The following LEO1 variants were observed in gnomAD, a reference collection of about 807,000 sequenced individuals.
The protein encoded by LEO1 is RNA polymerase-associated protein LEO1.
In LEO1, 34 loss-of-function variants were observed where a neutral mutation model predicts 80.4. The observed-to-expected ratio is 0.42, with a 90% CI of 0.32 to 0.56. The LOEUF (loss-of-function observed/expected upper bound fraction) is 0.56, where lower values mean the gene tolerates loss of function less well. Among genes scored for constraint, LEO1 ranks in the 20% least tolerant of loss-of-function variants. The pLI is 0.10. For missense variants in LEO1, 631 were observed against 814.2 expected, an observed-to-expected ratio of 0.77 and a Z score of 2.74; for synonymous variants, 262 against 274.9, an observed-to-expected ratio of 0.95 and a Z score of 0.46.
chr15:51,942,459 AAACAG>A (rs2056861426), intron 11 of LEO1, among the ~76,000 whole-genome samples: 1 of 152,194 alleles, frequency 6.6e-6, no homozygotes, highest in African/African-American at 2.4e-5. Context: ...AGGAATAAAC[AAACAG>A]AAGTCCCATG....
intron 6 of LEO1, among the ~76,000 whole-genome samples, chr15:51,958,087 T>C (rs1419784276): frequency 6.6e-6 from 1 of 152,150 alleles, no homozygotes; most frequent in Non-Finnish European, 1.5e-5. Context: ...GATTTAAGAA[T>C]TGAAAATGCA....
intron 1 of LEO1, among the ~76,000 whole-genome samples, chr15:51,970,123 C>G (rs1237205354): frequency 1.3e-5 from 2 of 152,044 alleles, no homozygotes; most frequent in Non-Finnish European, 2.9e-5. Flanking sequence ...ACCCTCCTCC[C>G]AAAATTAAAA....
At chr15:51,939,834 G>A (rs2056833135) in intron 11 of LEO1, among the ~76,000 whole-genome samples, 1 of 152,190 alleles carries the variant, frequency 6.6e-6, no homozygotes, top group Non-Finnish European at 1.5e-5. Flanking sequence ...AGATGGTACA[G>A]CCTGTCCTAA....
At chr15:51,965,629 G>T in intron 2 of LEO1, 120 bp downstream of exon 2, 1 of 1,354,488 alleles carries the variant, frequency 7.4e-7, no homozygotes, top group Non-Finnish European at 9.9e-7. Flanking sequence ...AGAAAAGTTT[G>T]AAAGGGAGGG....
chr15:51,971,382 C>A (rs1013097623), intron 1 of LEO1, among the ~76,000 whole-genome samples: 2 of 152,244 alleles, frequency 1.3e-5, no homozygotes, highest in African/African-American at 4.8e-5. Flanking sequence ...CGGAACAGGA[C>A]TCCAACGTTC....
At chr15:51,946,368 G>A (rs577422193) in intron 11 of LEO1, among the ~76,000 whole-genome samples, 1 of 151,932 alleles carries the variant, frequency 6.6e-6, no homozygotes, top group South Asian at 2.1e-4. Context: ...CTGCTAATTT[G>A]TATTTTTAGT....
chr15:51,953,763 C>T lies in LEO1; in HGVS notation c.1341-500G>A, dbSNP rs568121594. 9.6e-4 allele frequency among the ~76,000 whole-genome samples: 146 copies of T among 152,080 alleles called. 1 individual carries two copies. Among genetic ancestry groups the T allele is most frequent in the Non-Finnish European group, 1.6e-3 (109 of 67,986 alleles). The stretch of plus-strand genomic sequence containing the variant: ...AACTAACACATGCTGGGATGTTTAC[C>T]AGGCTCTACTACATTCCCAGTGAAG... On this transcript the variant is annotated intron_variant, in intron 7 of 11. Transcript: ENST00000299601.
intron 1 of LEO1, among the ~76,000 whole-genome samples, chr15:51,971,193 A>T (rs2057119961): frequency 1.3e-5 from 2 of 152,076 alleles, no homozygotes; most frequent in South Asian, 4.1e-4. Flanking sequence ...CCATCCCATT[A>T]TCCGTCCCAG....
At chr15:51,963,945 G>A (rs866157336) in intron 2 of LEO1, among the ~76,000 whole-genome samples, 11 of 148,800 alleles carry the variant, frequency 7.4e-5, no homozygotes, top group African/African-American at 1.7e-4. Flanking sequence ...AGTGGCTCAC[G>A]CCTGTAATCC....
chr15:51,943,708 AAAG>A (rs1400130985), intron 11 of LEO1, among the ~76,000 whole-genome samples: 11 of 151,812 alleles, frequency 7.2e-5, no homozygotes, highest in African/African-American at 9.7e-5. Context: ...TCAAAAAAAA[AAAG>A]AAAGAAAGAA....
intron 11 of LEO1, 109 bp downstream of exon 11, chr15:51,947,183 C>A (rs2414122): frequency 0.38 from 286,236 of 754,448 alleles, 56,422 homozygotes; most frequent in Admixed American, 0.46. Context: ...ATTTCAGTGA[C>A]GTGTGTAGAC....
At chr15:51,951,703 G>T in intron 9 of LEO1, 141 bp downstream of exon 9, 1 of 684,934 alleles carries the variant, frequency 1.5e-6, no homozygotes, top group Non-Finnish European at 2.4e-6. Context: ...CAAATGCTGA[G>T]GAAATGAATC....
intron 6 of LEO1, 108 bp downstream of exon 6, chr15:51,958,634 T>C (rs1397274464): frequency 1.2e-5 from 8 of 689,238 alleles, no homozygotes; most frequent in Non-Finnish European, 2.1e-5. Flanking sequence ...CACAGCCATA[T>C]AGTGAAGTGT....
chr15:51,966,635 G>T, intron 1 of LEO1, 131 bp from the exon 2 acceptor site: 2 of 601,942 alleles, frequency 3.3e-6, no homozygotes, highest in South Asian at 2.1e-5. Context: ...CTAAGGCCGG[G>T]TGCAGTGGCT....
At chr15:51,965,397 T>G (rs1018914715) in intron 2 of LEO1, among the ~76,000 whole-genome samples, 6 of 152,172 alleles carry the variant, frequency 3.9e-5, no homozygotes, top group Non-Finnish European at 7.3e-5. Context: ...GGCTAATCTA[T>G]TCTCTCACAT....
intron 5 of LEO1, 111 bp downstream of exon 5, chr15:51,959,788 A>C: frequency 2.0e-6 from 2 of 1,007,714 alleles, no homozygotes; most frequent in Non-Finnish European, 2.8e-6. Context: ...TCAGAGATAC[A>C]CGATCAATTT....
intron 1 of LEO1, among the ~76,000 whole-genome samples, chr15:51,966,902 C>T (rs1187181834): frequency 6.6e-6 from 1 of 150,714 alleles, no homozygotes; most frequent in African/African-American, 2.4e-5. Context: ...CAGAGTGAGA[C>T]TTTGTCTCAA....
intron 2 of LEO1, among the ~76,000 whole-genome samples, chr15:51,963,586 T>A (rs1216954545): frequency 2.0e-5 from 3 of 151,954 alleles, no homozygotes; most frequent in Admixed American, 6.6e-5. Context: ...CCTTAAAGAT[T>A]CTTTCTGGTA....
rs2056908892 is a variant in LEO1, at chr15:51,947,228, C to T, written c.1896+64G>A. Reference sequence around the variant, plus strand: ...GTGCCTGCCTGATCTGTGAGCTCTTCATTCAAAGCAGTTGGCTCCTGAGTA... The same window carrying T: ...GTGCCTGCCTGATCTGTGAGCTCTTTATTCAAAGCAGTTGGCTCCTGAGTA... On this transcript the variant is annotated intron_variant, in intron 11 of 11. Coordinates refer to ENST00000299601, the MANE Select transcript of LEO1 (RefSeq NM_138792.4). The T allele has an allele frequency of 5.8e-6, 6 of 1,036,958 alleles. No homozygotes were observed. In the South Asian group the frequency reaches 7.7e-5, roughly 13 times the overall value. The allele number at this position is 1,036,958 out of a possible 1,614,324, so 64.2% of individuals were successfully genotyped here.
Sources: allele counts gnomAD v4.1 joint callset (sites outside exome capture counted in the v4.1 genomes callset), GRCh38; gene constraint gnomAD v4.1.1; transcripts MANE v1.5; gene names NCBI Gene and HGNC (gene_info 2026-07-23, HGNC 2026-07-21).